Variants in OSBP2 observed in about 807,000 individuals in gnomAD.
The protein encoded by OSBP2 is oxysterol binding protein 2.
A neutral mutation model predicts 96.0 loss-of-function variants in OSBP2; 66 were observed. That is an observed-to-expected ratio of 0.69 (90% CI 0.56 to 0.84). OSBP2 has a LOEUF of 0.84. Ranked by LOEUF, OSBP2 falls within the 40% of genes least tolerant of loss-of-function variation. OSBP2 has a pLI of 0.00. For missense variants in OSBP2, 1,038 were observed against 1,222.7 expected (o/e 0.85, Z 2.25); for synonymous variants, 525 against 520.9 (o/e 1.01, Z -0.11).
intron 3 of OSBP2, among the ~76,000 whole-genome samples, chr22:30,872,066 A>T (rs1363027373): frequency 6.6e-6 from 1 of 152,184 alleles, no homozygotes; most frequent in Admixed American, 6.5e-5. Context: ...TCCATCCCAG[A>T]TCCCACAGTG....
intron 2 of OSBP2, among the ~76,000 whole-genome samples, chr22:30,827,507 G>T (rs1295596725): frequency 6.6e-6 from 1 of 152,206 alleles, no homozygotes; most frequent in African/African-American, 2.4e-5. Context: ...CATGGTAGCT[G>T]CTCATTAGTA....
intron 2 of OSBP2, among the ~76,000 whole-genome samples, chr22:30,843,451 T>G (rs1075337): frequency 1.1e-4 from 12 of 112,446 alleles, no homozygotes; most frequent in East Asian, 2.3e-4. Flanking sequence ...CTTTCCCCCC[T>G]CCCCCTTGAG....
chr22:30,694,112 C>A, upstream of OSBP2: 7 of 1,548,812 alleles, frequency 4.5e-6, no homozygotes, highest in Non-Finnish European at 6.1e-6. Flanking sequence ...CCAGCCTACC[C>A]AGGGATCCCG....
intron 2 of OSBP2, among the ~76,000 whole-genome samples, chr22:30,771,267 C>T (rs2090344465): frequency 1.3e-5 from 2 of 152,236 alleles, no homozygotes; most frequent in Non-Finnish European, 1.5e-5. Context: ...AGACCCTCCT[C>T]TGGAGGGAGG....
chr22:30,826,003 A>AC (rs1378006474), intron 2 of OSBP2, among the ~76,000 whole-genome samples: 1 of 151,340 alleles, frequency 6.6e-6, no homozygotes, highest in African/African-American at 2.4e-5. Context: ...CTTTGCACAG[A>AC]CCCCCAGAAA....
At chr22:30,868,016 A>G (rs1291702897) in intron 2 of OSBP2, among the ~76,000 whole-genome samples, 2 of 152,244 alleles carry the variant, frequency 1.3e-5, no homozygotes, top group Admixed American at 6.5e-5. Flanking sequence ...CTCTAAAGCC[A>G]GAGACCTGGC....
chr22:30,843,453 C>CTGG (rs59462860), intron 2 of OSBP2, among the ~76,000 whole-genome samples: 5 of 148,314 alleles, frequency 3.4e-5, no homozygotes, highest in Non-Finnish European at 7.5e-5. Context: ...TTCCCCCCTC[C>CTGG]CCCTTGAGCA....
intron 12 of OSBP2, among the ~76,000 whole-genome samples, chr22:30,894,725 G>A (rs958961496): frequency 6.6e-6 from 1 of 152,220 alleles, no homozygotes; most frequent in Non-Finnish European, 1.5e-5. Context: ...AACTAAATCA[G>A]AGAGAAACTA....
In OSBP2 at chr22:30,907,697, G is replaced by C; in HGVS notation, c.*1358G>C. On this transcript the variant is annotated 3_prime_UTR_variant, in exon 14 of 14. Coordinates refer to ENST00000332585, the MANE Select transcript of OSBP2 (RefSeq NM_030758.4). ...ACAATGCCCACTGGAGAGGCGGGGC[G>C]GGGTGGGGCAGGATGGCCCCACTGG... 1 of 152,522 alleles carries C rather than the reference G, an allele frequency of 6.6e-6. No individual in the cohort carries two copies. The highest frequency in any genetic ancestry group is 2.4e-5 in the African/African-American group (1 of 41,408). 9.4% of individuals were successfully genotyped at this position (152,522 alleles called of 1,614,324 possible).
chr22:30,729,466 C>A (rs11704165), intron 1 of OSBP2, among the ~76,000 whole-genome samples: 1 of 151,194 alleles, frequency 6.6e-6, no homozygotes, highest in African/African-American at 2.4e-5. Context: ...AATGAAACCC[C>A]GTCTCTACTA....
chr22:30,739,955 C>T (rs975138021), intron 1 of OSBP2, among the ~76,000 whole-genome samples: 1 of 152,142 alleles, frequency 6.6e-6, no homozygotes, highest in African/African-American at 2.4e-5. Context: ...AAGCAATTCT[C>T]CTGCCTCAGC....
intron 3 of OSBP2, among the ~76,000 whole-genome samples, chr22:30,876,414 A>G (rs1602400021): frequency 6.6e-6 from 1 of 152,112 alleles, no homozygotes; most frequent in African/African-American, 2.4e-5. Flanking sequence ...TCACCGCCCC[A>G]CTGCCCTGGA....
intron 2 of OSBP2, among the ~76,000 whole-genome samples, chr22:30,784,777 A>AT (rs71900262): frequency 0.085 from 11,907 of 140,568 alleles, 1,030 homozygotes; most frequent in African/African-American, 0.22. Flanking sequence ...AATCCTCCTC[A>AT]TTTTTTTTTT....
chr22:30,820,956 A>G (rs540831244), intron 2 of OSBP2, among the ~76,000 whole-genome samples: 1 of 152,348 alleles, frequency 6.6e-6, no homozygotes, highest in East Asian at 1.9e-4. Flanking sequence ...ATGTTAAAAG[A>G]GGAGCTTTGA....
chr22:30,854,980 C>CTG (rs2039052508), intron 2 of OSBP2, among the ~76,000 whole-genome samples: 5 of 151,714 alleles, frequency 3.3e-5, no homozygotes, highest in Admixed American at 2.6e-4. Flanking sequence ...TGAAAGCCAA[C>CTG]TTATAAAACC....
intron 2 of OSBP2, among the ~76,000 whole-genome samples, chr22:30,767,860 G>A (rs1337840562): frequency 6.6e-6 from 1 of 152,188 alleles, no homozygotes; most frequent in Non-Finnish European, 1.5e-5. Flanking sequence ...CTCATCACGG[G>A]CCCTGCAGGG....
chr22:30,809,083 T>C (rs1172935506), intron 2 of OSBP2, among the ~76,000 whole-genome samples: 1 of 152,160 alleles, frequency 6.6e-6, no homozygotes, highest in African/African-American at 2.4e-5. Flanking sequence ...AAGGAACACC[T>C]GAGGCTACCA....
At chr22:30,750,565 C>T (rs56305932) in intron 2 of OSBP2, among the ~76,000 whole-genome samples, 7,048 of 152,160 alleles carry the variant, frequency 0.046, 559 homozygotes, top group African/African-American at 0.16. Context: ...TAGGACATGC[C>T]TTGTAATACC....
At chr22:30,786,128 A>G (rs1333193248) in intron 2 of OSBP2, among the ~76,000 whole-genome samples, 1 of 151,930 alleles carries the variant, frequency 6.6e-6, no homozygotes, top group African/African-American at 2.4e-5. Flanking sequence ...GGTTCAAGCA[A>G]TTCTCCTGTC....
Sources: gnomAD v4.1 joint callset for allele counts (sites outside exome capture counted in the v4.1 genomes callset) on GRCh38, gnomAD v4.1.1 for gene constraint, MANE v1.5 for transcripts, NCBI Gene and HGNC (gene_info 2026-07-23, HGNC 2026-07-21) for gene names.